The following LRRIQ3 variants were observed in gnomAD, a reference collection of about 807,000 sequenced individuals.
The protein encoded by LRRIQ3 is leucine rich repeats and IQ motif containing 3.
LRRIQ3 carries 75 observed loss-of-function variants against 59.3 expected under a neutral mutation model. The ratio of observed to expected loss-of-function variants is 1.26; its 90% confidence interval spans 1.05 to 1.53. The LOEUF is 1.53. LRRIQ3 is among the 40% of genes most tolerant of loss of function. LRRIQ3 has a pLI of 0.00. For synonymous variants in LRRIQ3, 250 were observed against 231.3 expected (o/e 1.08, Z -0.73); for missense variants, 831 against 710.0 (o/e 1.17, Z -1.94).
At chr1:74,126,108 C>T (rs1400972070) in intron 4 of LRRIQ3, among the ~76,000 whole-genome samples, 2 of 151,712 alleles carry the variant, frequency 1.3e-5, no homozygotes, top group East Asian at 3.9e-4. Flanking sequence ...AGGATTTATT[C>T]ATTTTTTCTA....
At chr1:74,122,680 A>G (rs1475021204) in intron 4 of LRRIQ3, among the ~76,000 whole-genome samples, 1 of 152,166 alleles carries the variant, frequency 6.6e-6, no homozygotes, top group Non-Finnish European at 1.5e-5. Flanking sequence ...AAATTAATTC[A>G]AGATGGATTA....
intron 4 of LRRIQ3, among the ~76,000 whole-genome samples, chr1:74,137,472 G>A (rs1647143263): frequency 6.6e-6 from 1 of 152,136 alleles, no homozygotes; most frequent in South Asian, 2.1e-4. Flanking sequence ...TGGAGAAATA[G>A]GAACACTTTT....
intron 4 of LRRIQ3, among the ~76,000 whole-genome samples, chr1:74,114,922 C>T (rs772603620): frequency 3.3e-5 from 5 of 151,622 alleles, no homozygotes; most frequent in Non-Finnish European, 5.9e-5. Context: ...AAAATAAATT[C>T]CCCTTTTATT....
intron 6 of LRRIQ3, among the ~76,000 whole-genome samples, chr1:74,048,873 A>G (rs550690447): frequency 2.6e-5 from 4 of 152,290 alleles, no homozygotes; most frequent in Admixed American, 6.5e-5. Context: ...ATTTACTAAG[A>G]AATGCACTAT....
intron 4 of LRRIQ3, among the ~76,000 whole-genome samples, chr1:74,119,450 T>C (rs1646821941): frequency 6.6e-6 from 1 of 152,140 alleles, no homozygotes; most frequent in Non-Finnish European, 1.5e-5. Context: ...TTTTCTGATT[T>C]GTATAGACAT....
At chr1:74,070,987 T>C (rs964036922) in intron 6 of LRRIQ3, among the ~76,000 whole-genome samples, 2 of 150,590 alleles carry the variant, frequency 1.3e-5, no homozygotes, top group African/African-American at 2.4e-5. Flanking sequence ...TCAATATATA[T>C]ATATAACTGA....
chr1:74,052,303 A>C (rs1176306069), intron 6 of LRRIQ3, among the ~76,000 whole-genome samples: 3 of 151,966 alleles, frequency 2.0e-5, no homozygotes, highest in Admixed American at 2.0e-4. Context: ...TAGGGTGAAA[A>C]ACCAGGAGCA....
intron 5 of LRRIQ3, chr1:74,082,717 T>A (rs1646286603): frequency 6.6e-6 from 1 of 151,518 alleles, no homozygotes; most frequent in Non-Finnish European, 1.5e-5. Flanking sequence ...TTATATTTTT[T>A]CATGAGAAAA....
chr1:74,180,797 C>T, intron 3 of LRRIQ3: 1 of 1,549,398 alleles, frequency 6.5e-7, no homozygotes, highest in Non-Finnish European at 8.7e-7. Flanking sequence ...TAACATTTTT[C>T]CACATCCAAG....
intron 4 of LRRIQ3, among the ~76,000 whole-genome samples, chr1:74,147,971 T>A (rs1266311413): frequency 6.6e-6 from 1 of 152,244 alleles, no homozygotes; most frequent in African/African-American, 2.4e-5. Context: ...GAATTGCTTT[T>A]CTGATATCTT....
intron 4 of LRRIQ3, among the ~76,000 whole-genome samples, chr1:74,123,196 TG>T (rs1342053366): frequency 6.6e-6 from 1 of 152,024 alleles, no homozygotes; most frequent in African/African-American, 2.4e-5. Flanking sequence ...TATATAGTTA[TG>T]GGGTACATGA....
At chr1:74,138,859 C>T (rs1427834174) in intron 4 of LRRIQ3, among the ~76,000 whole-genome samples, 1 of 151,646 alleles carries the variant, frequency 6.6e-6, no homozygotes, top group Non-Finnish European at 1.5e-5. Flanking sequence ...TTCCCTTCCT[C>T]TCCAATACAG....
At chr1:74,084,117 T>C in intron 5 of LRRIQ3, 1 of 1,514,324 alleles carries the variant, frequency 6.6e-7, no homozygotes, top group Non-Finnish European at 8.9e-7. Flanking sequence ...CATCCTGTTG[T>C]CCAATGAATG....
Position 74,063,142 on chromosome 1 carries a change from C to A in LRRIQ3, c.997+11519G>T, listed in dbSNP as rs1438194635. The stretch of plus-strand genomic sequence containing the variant: ...AACCAAACAACAACAACAACAACAA[C>A]AACAACAACAAAACGAGGAAGGGTG... On this transcript the variant is annotated intron_variant, in intron 6 of 7. Coordinates refer to ENST00000354431, the MANE Select transcript of LRRIQ3 (RefSeq NM_001105659.2). 3.9e-3 allele frequency among the ~76,000 whole-genome samples: 566 copies of A among 146,804 alleles called. 3 individuals carry two copies. The highest frequency in any genetic ancestry group is 0.024 in the East Asian group (114 of 4,774).
rs1654030420 is a variant in LRRIQ3 at position 74,041,129 on chromosome 1, CTAAT to C, written c.1718+80_1718+83del. ...AATGTACTATGTTACAAACAGCATA[CTAAT>C]TATTAGGTCTTAAAATTTAGCATGC... On this transcript the variant is annotated intron_variant, in intron 7 of 7. Coordinates refer to ENST00000354431, the MANE Select transcript of LRRIQ3 (RefSeq NM_001105659.2). 13 of 1,111,788 alleles carry C rather than the reference CTAAT, an allele frequency of 1.2e-5. No individual in the cohort carries two copies. The Admixed American group carries it at 1.7e-4, about 15-fold the overall frequency. The allele number at this position is 1,111,788 out of a possible 1,614,324, so 68.9% of individuals were successfully genotyped here.
chr1:74,181,031 A>C (rs569093403), intron 3 of LRRIQ3: 31 of 466,508 alleles, frequency 6.6e-5, no homozygotes, highest in South Asian at 6.0e-4. Context: ...GAATTTTGTC[A>C]GTATTATTTA....
At chr1:74,121,925 A>G (rs1313702254) in intron 4 of LRRIQ3, among the ~76,000 whole-genome samples, 2 of 151,830 alleles carry the variant, frequency 1.3e-5, no homozygotes, top group Non-Finnish European at 2.9e-5. Flanking sequence ...ATCATTTTTT[A>G]TGGCTGCATA....
chr1:74,040,562 G>T (rs1452625173), intron 7 of LRRIQ3, among the ~76,000 whole-genome samples: 1 of 152,144 alleles, frequency 6.6e-6, no homozygotes, highest in African/African-American at 2.4e-5. Context: ...CTCAGCAAAT[G>T]CAAAAGAACT....
chr1:74,052,388 G>C (rs549181760), intron 6 of LRRIQ3, among the ~76,000 whole-genome samples: 60 of 152,134 alleles, frequency 3.9e-4, no homozygotes, highest in African/African-American at 1.4e-3. Context: ...TCAAATTCAC[G>C]ATGCCATAGT....
Sources: gnomAD v4.1 joint callset for allele counts (sites outside exome capture counted in the v4.1 genomes callset) on GRCh38, gnomAD v4.1.1 for gene constraint, MANE v1.5 for transcripts, NCBI Gene and HGNC (gene_info 2026-07-23, HGNC 2026-07-21) for gene names.